Variants in IFNAR2 observed in about 807,000 individuals in gnomAD.
The protein encoded by IFNAR2 is interferon alpha/beta receptor 2.
Under a neutral mutation model 49.4 loss-of-function variants are expected in IFNAR2, and 30 were observed. The observed-to-expected ratio is 0.61, with a 90% confidence interval of 0.45 to 0.82. IFNAR2 has a LOEUF of 0.82. Among genes scored for constraint, IFNAR2 ranks in the 40% least tolerant of loss-of-function variants. The probability of loss-of-function intolerance (pLI) is 0.00; values close to 1 mark genes in which losing one functional copy is unlikely to be tolerated. For missense variants in IFNAR2, 600 were observed against 622.7 expected, an observed-to-expected ratio of 0.96 and a Z score of 0.39; for synonymous variants, 224 against 234.5, an observed-to-expected ratio of 0.96 and a Z score of 0.41.
chr21:33,242,378 G>T (rs1987003356), intron 2 of IFNAR2, among the ~76,000 whole-genome samples: 1 of 152,036 alleles, frequency 6.6e-6, no homozygotes, highest in African/African-American at 2.4e-5. Context: ...TTGCCTCTGA[G>T]GACATTCCCT....
At chr21:33,259,223 A>G (rs1988411310) in intron 7 of IFNAR2, among the ~76,000 whole-genome samples, 2 of 152,078 alleles carry the variant, frequency 1.3e-5, no homozygotes, top group East Asian at 3.8e-4. Flanking sequence ...CCTTCCCAAG[A>G]TGGGTTGATC....
At chr21:33,260,285 G>A (rs560593167) in intron 7 of IFNAR2, among the ~76,000 whole-genome samples, 8 of 152,284 alleles carry the variant, frequency 5.3e-5, no homozygotes, top group Admixed American at 2.6e-4. Flanking sequence ...CTGAGAGACC[G>A]AGCTCTTAAT....
At chr21:33,258,230 G>A (rs186030961) in intron 7 of IFNAR2, among the ~76,000 whole-genome samples, 7 of 152,238 alleles carry the variant, frequency 4.6e-5, no homozygotes, top group Admixed American at 1.3e-4. Flanking sequence ...TCTTGAACCC[G>A]GGAGGTGGGG....
rs1985960917 is a variant in IFNAR2, at chr21:33,230,430, C to T, written c.-84+214C>T. On this transcript the variant is annotated intron_variant, in intron 1 of 8. Coordinates refer to ENST00000342136, the MANE Select transcript of IFNAR2 (RefSeq NM_001289125.3). The surrounding 1 kb of genome is among the most constrained non-coding windows in gnomAD (Gnocchi z 5.5). ...GGCCGCACCTGCGACCCCAGGACCC[C>T]TCCCGGGCCCTGTCCTGCGCCCTCC... is the stretch of plus-strand genomic sequence containing the variant. The T allele has an allele frequency of 4.3e-6, 2 of 468,432 alleles. No individual in the cohort carries two copies. Among genetic ancestry groups the T allele is most frequent in the Non-Finnish European group, 8.5e-6 (2 of 235,032 alleles). 29.0% of individuals were successfully genotyped at this position (468,432 alleles called of 1,614,324 possible). A position where few individuals can be genotyped will look rare whatever the true frequency, so the allele number is the denominator to read the frequency against.
At chr21:33,236,480 G>T (rs1986467548) in intron 1 of IFNAR2, among the ~76,000 whole-genome samples, 1 of 152,204 alleles carries the variant, frequency 6.6e-6, no homozygotes, top group Admixed American at 6.5e-5. Flanking sequence ...GTGACCCAGA[G>T]ACTCATCCCT....
chr21:33,230,115 C>T lies in IFNAR2; in HGVS notation c.-185C>T, dbSNP rs1985923376. 1.0e-6 allele frequency: 1 copy of T among 990,252 alleles called. No homozygotes were observed. The highest frequency in any genetic ancestry group is 4.3e-5 in the South Asian group (1 of 23,154). 61.3% of individuals were successfully genotyped at this position (990,252 alleles called of 1,614,324 possible). A position where few individuals can be genotyped will look rare whatever the true frequency, so the allele number is the denominator to read the frequency against. On this transcript the variant is annotated 5_prime_UTR_variant, in exon 1 of 9. Transcript: ENST00000342136. The surrounding 1 kb of genome is among the most constrained non-coding windows in gnomAD (Gnocchi z 5.5). ...CCGCCGCTTCTGTCCGAGAGGCCGC[C>T]CGCGAGGCGCATCCTGACCGCGAGC...
intron 4 of IFNAR2, 148 bp from the exon 5 acceptor site, chr21:33,246,570 A>G (rs564897110): frequency 6.4e-6 from 4 of 628,808 alleles, no homozygotes; most frequent in South Asian, 4.0e-5. Context: ...AAGATGTTCC[A>G]TTTTCAATAA....
intron 1 of IFNAR2, among the ~76,000 whole-genome samples, chr21:33,233,828 A>G (rs1601783315): frequency 6.6e-6 from 1 of 152,148 alleles, no homozygotes; most frequent in African/African-American, 2.4e-5. Flanking sequence ...TATTCTATTT[A>G]AATATAGAAG....
chr21:33,248,412 G>A (rs967370953), intron 5 of IFNAR2, among the ~76,000 whole-genome samples: 25 of 150,250 alleles, frequency 1.7e-4, no homozygotes, highest in Non-Finnish European at 2.8e-4. Context: ...GAGAGAGAGA[G>A]AAAGAGAAAA....
At chr21:33,250,050 G>A (rs747086807) in intron 6 of IFNAR2, among the ~76,000 whole-genome samples, 8 of 152,134 alleles carry the variant, frequency 5.3e-5, no homozygotes, top group Non-Finnish European at 1.0e-4. Context: ...TAGACCACAG[G>A]GGCAAAGATG....
Position 33,252,612 on chromosome 21 carries a change from A to G in IFNAR2, c.541-50A>G, listed in dbSNP as rs2236757. ...CAAATCCCAAAAGAGATTAAGGCCT[A>G]CCTCTAAATGAAATTCTCAGTCTTA... On this transcript the variant is annotated intron_variant, in intron 6 of 8. Coordinates refer to ENST00000342136, the MANE Select transcript of IFNAR2 (RefSeq NM_001289125.3). 1,094,796 of 1,577,648 alleles carry G rather than the reference A, an allele frequency of 0.69. 383,727 individuals carry two copies. Among genetic ancestry groups the G allele is most frequent in the African/African-American group, 0.79 (57,950 of 73,642 alleles).
At position 33,229,961 on chromosome 21, in the gene IFNAR2, C is replaced by T; in HGVS notation, c.-339C>T. ...CCGTATCGCTCCTCGTAGGCCGGGGCTCGGCGCGCGCACCCGCACTAAAGA... is the reference window on the plus strand; with the variant it reads ...CCGTATCGCTCCTCGTAGGCCGGGGTTCGGCGCGCGCACCCGCACTAAAGA... On this transcript the variant is annotated 5_prime_UTR_variant, in exon 1 of 9. Transcript: ENST00000342136. 1.0e-6 allele frequency: 1 copy of T among 984,100 alleles called. No individual in the cohort carries two copies. The allele number at this position is 984,100 out of a possible 1,614,324, so 61.0% of individuals were successfully genotyped here.
In IFNAR2 at chr21:33,246,700, A is replaced by G. The variant is rs367660460; in HGVS notation, c.222-18A>G. On this transcript the variant is annotated intron_variant, in intron 4 of 8. Coordinates refer to ENST00000342136, the MANE Select transcript of IFNAR2 (RefSeq NM_001289125.3). The stretch of plus-strand genomic sequence containing the variant: ...TCAATGCTAACAATTTCCTTTTTCC[A>G]TTTTTTTCTTTCCAAAGTAAACCAG... 1.2e-6 allele frequency: 2 copies of G among 1,600,040 alleles called. No individual in the cohort carries two copies. The highest frequency in any genetic ancestry group is 3.5e-5 in the Admixed American group (2 of 56,874).
intron 7 of IFNAR2, among the ~76,000 whole-genome samples, chr21:33,259,368 G>T (rs1161257547): frequency 6.6e-6 from 1 of 151,980 alleles, no homozygotes; most frequent in Admixed American, 6.6e-5. Context: ...ATGTATAATT[G>T]TCATGACCCC....
chr21:33,234,843 C>T (rs1008007571), intron 1 of IFNAR2: 1 of 638,060 alleles, frequency 1.6e-6, no homozygotes. Context: ...TAAGTGAAAG[C>T]AAGTTTATTA....
intron 7 of IFNAR2, 40 bp downstream of exon 7, chr21:33,252,870 G>A: frequency 6.8e-7 from 1 of 1,463,406 alleles, no homozygotes; most frequent in African/African-American, 1.4e-5. Context: ...GAGTATTCAT[G>A]CTTTTACTCT....
chr21:33,246,615 T>A, intron 4 of IFNAR2, 103 bp from the exon 5 acceptor site: 2 of 790,276 alleles, frequency 2.5e-6, no homozygotes, highest in Non-Finnish European at 4.0e-6. Flanking sequence ...ACAATGATAT[T>A]TGGGCAGAGC....
chr21:33,238,388 G>A (rs192318929), intron 1 of IFNAR2, among the ~76,000 whole-genome samples: 167 of 152,272 alleles, frequency 1.1e-3, no homozygotes, highest in Middle Eastern at 6.8e-3. Flanking sequence ...ACAAGTCTGC[G>A]ATTTCATGGT....
intron 7 of IFNAR2, among the ~76,000 whole-genome samples, chr21:33,258,065 G>A (rs1988329910): frequency 6.6e-6 from 1 of 152,170 alleles, no homozygotes. Context: ...AGCACTTTGG[G>A]GGGCCGAGCC....
Sources: allele counts gnomAD v4.1 joint callset (sites outside exome capture counted in the v4.1 genomes callset), GRCh38; gene constraint gnomAD v4.1.1; non-coding constraint Gnocchi (gnomAD v3.1); transcripts MANE v1.5; gene names NCBI Gene and HGNC (gene_info 2026-07-23, HGNC 2026-07-21).